The following XIRP2 variants were observed in gnomAD, a reference collection of about 807,000 sequenced individuals.
XIRP2 encodes xin actin-binding repeat-containing protein 2.
In XIRP2, 236 loss-of-function variants were observed where a neutral mutation model predicts 277.0. The observed-to-expected ratio is 0.85, with a 90% CI of 0.77 to 0.95. The LOEUF is 0.95. XIRP2 is among the 40% of genes least tolerant of loss of function. The pLI, the probability that XIRP2 is intolerant of heterozygous loss-of-function variation, is 0.00. For missense variants in XIRP2, 4,640 were observed against 4,157.5 expected (o/e 1.12, Z -3.19); for synonymous variants, 1,490 against 1,416.5 (o/e 1.05, Z -1.17).
intron 5 of XIRP2, among the ~76,000 whole-genome samples, chr2:167,227,038 G>A (rs1442374812): frequency 1.3e-5 from 2 of 152,092 alleles, no homozygotes; most frequent in Non-Finnish European, 2.9e-5. Context: ...CTCTCTAGGT[G>A]ATTCTAATGT....
chr2:167,024,548 G>A (rs1243676184), intron 2 of XIRP2, among the ~76,000 whole-genome samples: 3 of 152,136 alleles, frequency 2.0e-5, no homozygotes, highest in South Asian at 4.1e-4. Context: ...CAAAGGCAAT[G>A]CTTCCAGTTT....
At position 167,244,834 on chromosome 2, in the gene XIRP2, A is replaced by C; in HGVS notation, c.3442A>C (p.Lys1148Gln). ...TIKDDSETAV[K>Q]LQTVKQEEIQ... ...AAAAGATGACTCTGAAACAGCAGTC[A>C]AATTGCAAACTGTAAAACAGGAGGA... Residue 1148 changes from lysine (K) to glutamine (Q), a missense_variant, in exon 9 of 11, where the codon AAA becomes CAA. Physicochemically the swap from Lys to Gln is moderately conservative, Grantham distance 53. Coordinates refer to ENST00000409195, the MANE Select transcript of XIRP2 (RefSeq NM_152381.6). The C allele has an allele frequency of 1.2e-6, 2 of 1,613,754 alleles. No homozygotes were observed. The highest frequency in any genetic ancestry group is 1.7e-6 in the Non-Finnish European group (2 of 1,179,762).
intron 2 of XIRP2, among the ~76,000 whole-genome samples, chr2:167,021,735 G>T (rs1687987812): frequency 1.3e-5 from 2 of 152,034 alleles, no homozygotes; most frequent in South Asian, 4.1e-4. Context: ...GGAGGTGGGA[G>T]GATCTCATGA....
chr2:167,136,761 T>A (rs1455628798), intron 3 of XIRP2, among the ~76,000 whole-genome samples: 2 of 152,204 alleles, frequency 1.3e-5, no homozygotes, highest in Non-Finnish European at 2.9e-5. Flanking sequence ...ATGTCTATTG[T>A]AGTATTTGTG....
At chr2:167,155,921 A>C (rs1031432554) in intron 3 of XIRP2, among the ~76,000 whole-genome samples, 5 of 150,554 alleles carry the variant, frequency 3.3e-5, no homozygotes, top group African/African-American at 1.2e-4. Context: ...AAATCAATGT[A>C]AAAAAATCAC....
At chr2:167,208,944 T>G (rs899735097) in intron 3 of XIRP2, among the ~76,000 whole-genome samples, 1 of 152,202 alleles carries the variant, frequency 6.6e-6, no homozygotes, top group Non-Finnish European at 1.5e-5. Context: ...TCTGTGCAGA[T>G]AGAGAAGCCA....
chr2:167,218,350 C>A, intron 5 of XIRP2, 50 bp downstream of exon 5: 3 of 1,345,400 alleles, frequency 2.2e-6, no homozygotes, highest in South Asian at 5.1e-5. Flanking sequence ...GAAATGCTCT[C>A]ATTTTGGTGC....
In XIRP2 at chr2:167,242,921, G is replaced by A; in HGVS notation, c.1529G>A (p.Arg510Lys). 2.5e-6 allele frequency: 4 copies of A among 1,613,374 alleles called. No individual in the cohort carries two copies. Among genetic ancestry groups the A allele is most frequent in the Non-Finnish European group, 3.4e-6 (4 of 1,179,820 alleles). Residue 510 changes from arginine (R) to lysine (K), a missense_variant, in exon 9 of 11, where the codon AGA becomes AAA. Transcript: ENST00000409195. ...RLYKHIHPEL[R>K]KNLEKDYISE... The stretch of plus-strand genomic sequence containing the variant: ...TATAAACACATCCATCCTGAGTTAA[G>A]AAAAAACTTAGAAAAAGATTATATC...
chr2:167,198,276 G>C (rs1445497469), intron 3 of XIRP2, among the ~76,000 whole-genome samples: 1 of 152,164 alleles, frequency 6.6e-6, no homozygotes, highest in Non-Finnish European at 1.5e-5. Flanking sequence ...TTTGGGTCAT[G>C]TTACTGGTTA....
At chr2:167,012,117 T>A (rs917153239) in intron 2 of XIRP2, among the ~76,000 whole-genome samples, 10 of 151,988 alleles carry the variant, frequency 6.6e-5, no homozygotes, top group African/African-American at 2.4e-4. Context: ...TGAATGTGTT[T>A]GCTCTTGCTT....
chr2:167,083,659 C>T (rs1215867135), intron 2 of XIRP2, among the ~76,000 whole-genome samples: 6 of 152,184 alleles, frequency 3.9e-5, no homozygotes, highest in Admixed American at 6.5e-5. Flanking sequence ...AGATCCTTCA[C>T]ATCCCTTGTA....
Position 167,245,711 on chromosome 2 carries a change from G to C in XIRP2, c.4319G>C (p.Ser1440Thr), listed in dbSNP as rs751051214. The C allele has an allele frequency of 1.2e-6, 2 of 1,613,516 alleles. No homozygotes were observed. The highest frequency in any genetic ancestry group is 1.1e-5 in the South Asian group (1 of 91,070). ...AAGAATAACTATATACGAACAGTAA[G>C]TGTCAATGAAATACAAAAGGGCAAT... ...FDKNNYIRTV[S>T]VNEIQKGNVK... Residue 1440 changes from serine to threonine, a missense_variant, in exon 9 of 11, where the codon AGT becomes ACT. Transcript: ENST00000409195.
intron 2 of XIRP2, among the ~76,000 whole-genome samples, chr2:167,007,686 CTCTCTCTCT>C (rs1687541208): frequency 1.9e-5 from 2 of 103,476 alleles, no homozygotes; most frequent in African/African-American, 1.0e-4. Context: ...TACACTCTCT[CTCTCTCTCT>C]CTCTCTCTCA....
At chr2:167,157,936 A>C (rs1692247871) in intron 3 of XIRP2, among the ~76,000 whole-genome samples, 1 of 152,168 alleles carries the variant, frequency 6.6e-6, no homozygotes, top group South Asian at 2.1e-4. Flanking sequence ...AGAGTGAAAA[A>C]AAAGTCTATG....
chr2:166,954,815 C>T (rs375953666), intron 2 of XIRP2, among the ~76,000 whole-genome samples: 128 of 151,896 alleles, frequency 8.4e-4, no homozygotes, highest in African/African-American at 2.8e-3. Context: ...AATGGAGGAA[C>T]AAAAACCTAA....
intron 2 of XIRP2, among the ~76,000 whole-genome samples, chr2:166,905,887 A>G (rs1684503074): frequency 1.3e-5 from 2 of 151,970 alleles, no homozygotes; most frequent in South Asian, 2.1e-4. Context: ...TTAAAATTAT[A>G]TATTTCACCC....
chr2:167,253,093 T>A (rs1201972441), intron 9 of XIRP2, among the ~76,000 whole-genome samples: 1 of 151,910 alleles, frequency 6.6e-6, no homozygotes, highest in African/African-American at 2.4e-5. Flanking sequence ...CTAAAGTAGA[T>A]ATAATTATTT....
In XIRP2 at chr2:166,967,990, A is replaced by G. The variant is rs73973540; in HGVS notation, c.408+64100A>G. 3.2e-3 allele frequency among the ~76,000 whole-genome samples: 488 copies of G among 152,098 alleles called. 3 individuals carry two copies. The highest frequency in any genetic ancestry group is 0.011 in the African/African-American group (463 of 41,544). On this transcript the variant is annotated intron_variant, in intron 2 of 10. Transcript: ENST00000409195. ...TATGTTTTAAGAAAATCTGACAGAAATAAGGGTAATCTGATGATTGGGCAC... is the reference window on the plus strand; with the variant it reads ...TATGTTTTAAGAAAATCTGACAGAAGTAAGGGTAATCTGATGATTGGGCAC...
In XIRP2 at chr2:167,247,403, C is replaced by T; in HGVS notation, c.6011C>T (p.Ser2004Phe). 6 of 1,613,678 alleles carry T rather than the reference C, an allele frequency of 3.7e-6. No homozygotes were observed. The highest frequency in any genetic ancestry group is 5.1e-6 in the Non-Finnish European group (6 of 1,179,750). Reference sequence around the variant, plus strand: ...ACTCTCAGTCAAACTATGGGGAAATCTTGCCATGGCAATTTAGTAGAAGAA... The same window carrying T: ...ACTCTCAGTCAAACTATGGGGAAATTTTGCCATGGCAATTTAGTAGAAGAA... ...ADTLSQTMGK[S>F]CHGNLVEERT... Residue 2004 changes from serine (S) to phenylalanine (F), a missense_variant, in exon 9 of 11, where the codon TCT becomes TTT. Physicochemically the swap from Ser to Phe is radical, Grantham distance 155 (BLOSUM62 -2). Transcript: ENST00000409195.
Sources: gnomAD v4.1 joint callset for allele counts (sites outside exome capture counted in the v4.1 genomes callset) on GRCh38, gnomAD v4.1.1 for gene constraint, MANE v1.5 for transcripts, NCBI Gene and HGNC (gene_info 2026-07-23, HGNC 2026-07-21) for gene names.